The following FHIT variants were observed in gnomAD, a reference collection of about 807,000 sequenced individuals.
FHIT encodes the protein bis(5'-adenosyl)-triphosphatase.
Under a neutral mutation model 17.9 loss-of-function variants are expected in FHIT, and 19 were observed. That is an observed-to-expected ratio of 1.06 (90% CI 0.74 to 1.56). The LOEUF is 1.56. Among genes scored for constraint, FHIT ranks in the 40% most tolerant of loss-of-function variants. The pLI is 0.00. For synonymous variants in FHIT, 81 were observed against 69.7 expected (o/e 1.16, Z -0.81); for missense variants, 248 against 189.2 (o/e 1.31, Z -1.82).
intron 1 of FHIT, among the ~76,000 whole-genome samples, chr3:61,214,166 C>A (rs902398210): frequency 1.3e-5 from 2 of 152,080 alleles, no homozygotes; most frequent in African/African-American, 2.4e-5. Flanking sequence ...CAGAGCAGAA[C>A]TGAAGGAAAT....
At chr3:60,358,927 C>T (rs941666136) in intron 5 of FHIT, among the ~76,000 whole-genome samples, 1 of 152,146 alleles carries the variant, frequency 6.6e-6, no homozygotes, top group African/African-American at 2.4e-5. Context: ...GTTGTAAATG[C>T]TCAATAAATG....
chr3:60,465,424 T>C (rs1048209917), intron 5 of FHIT, among the ~76,000 whole-genome samples: 55 of 152,160 alleles, frequency 3.6e-4, no homozygotes, highest in African/African-American at 1.3e-3. Context: ...TTTGCTTTGG[T>C]TAACTGTGTT....
intron 3 of FHIT, among the ~76,000 whole-genome samples, chr3:60,862,341 T>A (rs1468713524): frequency 1.3e-5 from 2 of 151,770 alleles, no homozygotes; most frequent in Non-Finnish European, 2.9e-5. Context: ...AATTTTTGTA[T>A]TTTTTTTATA....
At chr3:60,339,939 G>C (rs1710434036) in intron 5 of FHIT, among the ~76,000 whole-genome samples, 1 of 152,114 alleles carries the variant, frequency 6.6e-6, no homozygotes, top group Admixed American at 6.6e-5. Context: ...GATTCTGAAA[G>C]TTGCCAATCA....
At chr3:61,128,750 C>G (rs1404293331) in intron 2 of FHIT, among the ~76,000 whole-genome samples, 1 of 151,574 alleles carries the variant, frequency 6.6e-6, no homozygotes, top group Non-Finnish European at 1.5e-5. Flanking sequence ...AAGGGAAACA[C>G]TTATCTTGTG....
At chr3:60,214,915 A>G (rs1302480709) in intron 5 of FHIT, among the ~76,000 whole-genome samples, 2 of 152,142 alleles carry the variant, frequency 1.3e-5, no homozygotes, top group Non-Finnish European at 2.9e-5. Context: ...CTAACACAGG[A>G]ACAGGAAACC....
chr3:59,825,237 A>C (rs1431212510), intron 8 of FHIT, among the ~76,000 whole-genome samples: 1 of 151,798 alleles, frequency 6.6e-6, no homozygotes, highest in Non-Finnish European at 1.5e-5. Context: ...CTCCAGATGG[A>C]TTTTCTATGA....
At chr3:60,732,067 A>G in intron 4 of FHIT, 2 of 563,818 alleles carry the variant, frequency 3.5e-6, no homozygotes, top group South Asian at 3.8e-5. Flanking sequence ...GGATACTGCG[A>G]GCAAATGGGG....
In FHIT at chr3:60,121,355, T is replaced by C. The variant is rs371110384; in HGVS notation, c.104-107203A>G. On this transcript the variant is annotated intron_variant, in intron 5 of 9. Transcript: ENST00000492590. The stretch of plus-strand genomic sequence containing the variant: ...CCTTTATCTGCTGTTTCACTTTTCA[T>C]GGTTTCAGTTACCTGCAGTCAACTG... Among the ~76,000 whole-genome samples, 10 of 152,296 alleles carry C rather than the reference T, an allele frequency of 6.6e-5. No homozygotes were observed. The East Asian group carries it at 1.2e-3, about 18-fold the overall frequency.
intron 4 of FHIT, among the ~76,000 whole-genome samples, chr3:60,760,314 A>C (rs1699602436): frequency 6.6e-6 from 1 of 152,206 alleles, no homozygotes; most frequent in Admixed American, 6.5e-5. Context: ...GTCTAGGAGC[A>C]GGTAGGCTAG....
chr3:60,862,626 G>C (rs1386235209), intron 3 of FHIT, among the ~76,000 whole-genome samples: 4 of 151,948 alleles, frequency 2.6e-5, no homozygotes, highest in African/African-American at 9.7e-5. Flanking sequence ...GAGGCAGGTG[G>C]GTCACTTGAG....
chr3:59,771,784 T>C (rs1431450232), intron 8 of FHIT, among the ~76,000 whole-genome samples: 1 of 152,210 alleles, frequency 6.6e-6, no homozygotes, highest in Non-Finnish European at 1.5e-5. Flanking sequence ...ACAAATTACC[T>C]CTAAGTTGCT....
chr3:60,587,251 A>C (rs1346501119), intron 4 of FHIT, among the ~76,000 whole-genome samples: 1 of 152,086 alleles, frequency 6.6e-6, no homozygotes, highest in Admixed American at 6.6e-5. Flanking sequence ...TAACACAGGA[A>C]CAGAAAACCA....
intron 5 of FHIT, among the ~76,000 whole-genome samples, chr3:60,444,966 A>T (rs538598843): frequency 1.2e-4 from 18 of 152,044 alleles, no homozygotes; most frequent in Non-Finnish European, 2.6e-4. Flanking sequence ...CTGCCCAAAG[A>T]CCCTAGTTCC....
intron 5 of FHIT, among the ~76,000 whole-genome samples, chr3:60,363,768 C>A (rs6763743): frequency 6.6e-6 from 1 of 152,074 alleles, no homozygotes; most frequent in African/African-American, 2.4e-5. Flanking sequence ...CCCTGGCCCC[C>A]CTGGCTTCAG....
intron 2 of FHIT, among the ~76,000 whole-genome samples, chr3:61,150,593 T>A (rs779461497): frequency 2.0e-4 from 30 of 152,182 alleles, no homozygotes; most frequent in Non-Finnish European, 3.8e-4. Flanking sequence ...AGACATTCAC[T>A]TAGGTAAAGA....
chr3:60,924,180 T>C (rs1707450010), intron 3 of FHIT, among the ~76,000 whole-genome samples: 1 of 152,186 alleles, frequency 6.6e-6, no homozygotes, highest in Non-Finnish European at 1.5e-5. Flanking sequence ...CAGACTTAAA[T>C]GTCCCTGTCT....
chr3:60,189,478 C>T (rs1488492186), intron 5 of FHIT, among the ~76,000 whole-genome samples: 1 of 152,128 alleles, frequency 6.6e-6, no homozygotes, highest in Non-Finnish European at 1.5e-5. Flanking sequence ...TAGGGCAATT[C>T]TGCTGAATGC....
At chr3:61,210,420 C>T (rs552681751) in intron 1 of FHIT, among the ~76,000 whole-genome samples, 60 of 152,352 alleles carry the variant, frequency 3.9e-4, no homozygotes, top group Middle Eastern at 6.8e-3. Flanking sequence ...CCTACAGAGG[C>T]AGACAGGCCT....
Sources: gnomAD v4.1 joint callset for allele counts (sites outside exome capture counted in the v4.1 genomes callset) on GRCh38, gnomAD v4.1.1 for gene constraint, MANE v1.5 for transcripts, NCBI Gene and HGNC (gene_info 2026-07-23, HGNC 2026-07-21) for gene names.